The following PRKN variants were observed in gnomAD, a reference collection of about 807,000 sequenced individuals.
PRKN encodes E3 ubiquitin-protein ligase parkin.
Under a neutral mutation model 59.5 loss-of-function variants are expected in PRKN, and 56 were observed. The observed-to-expected ratio is 0.94, with a 90% CI of 0.76 to 1.18. The LOEUF is 1.18. Ranked by LOEUF, PRKN falls within the 50% of genes most tolerant of loss-of-function variation. The pLI, the probability that PRKN is intolerant of heterozygous loss-of-function variation, is 0.00. For synonymous variants in PRKN, 250 were observed against 222.1 expected (o/e 1.13, Z -1.12); for missense variants, 657 against 596.4 (o/e 1.10, Z -1.06).
chr6:162,556,309 G>A (rs1779567059), intron 1 of PRKN, among the ~76,000 whole-genome samples: 3 of 149,682 alleles, frequency 2.0e-5, no homozygotes, highest in South Asian at 2.1e-4. Flanking sequence ...AACTGAAGGC[G>A]GGCAGAAGAA....
chr6:161,577,954 T>A (rs1781195273), intron 7 of PRKN, among the ~76,000 whole-genome samples: 1 of 152,194 alleles, frequency 6.6e-6, no homozygotes, highest in Non-Finnish European at 1.5e-5. Context: ...ATTCATTGAT[T>A]CTTCATCGAA....
chr6:162,655,784 T>C (rs1311716797), intron 1 of PRKN, among the ~76,000 whole-genome samples: 1 of 152,150 alleles, frequency 6.6e-6, no homozygotes, highest in Non-Finnish European at 1.5e-5. Context: ...TCTGCTACCA[T>C]CTATTTACAT....
At chr6:162,276,390 T>C (rs1467221827) in intron 2 of PRKN, among the ~76,000 whole-genome samples, 1 of 152,188 alleles carries the variant, frequency 6.6e-6, no homozygotes, top group Non-Finnish European at 1.5e-5. Context: ...TCTTGGGATG[T>C]ACCTCATTAA....
intron 6 of PRKN, among the ~76,000 whole-genome samples, chr6:161,900,754 T>C (rs1204157913): frequency 8.4e-6 from 1 of 118,518 alleles, no homozygotes; most frequent in Non-Finnish European, 1.6e-5. Flanking sequence ...ATGTATTAAA[T>C]ATAAATATAT....
At chr6:162,068,572 C>T (rs576825541) in intron 4 of PRKN, among the ~76,000 whole-genome samples, 6 of 152,310 alleles carry the variant, frequency 3.9e-5, no homozygotes, top group Admixed American at 6.5e-5. Flanking sequence ...ACAAGGGCCT[C>T]GGCTTTCTGC....
chr6:161,437,947 T>C (rs1424633428), intron 9 of PRKN, among the ~76,000 whole-genome samples: 1 of 152,130 alleles, frequency 6.6e-6, no homozygotes, highest in Non-Finnish European at 1.5e-5. Context: ...TTGGTAAACA[T>C]TTGTTTATTC....
At chr6:161,921,446 A>T (rs1203263271) in intron 6 of PRKN, among the ~76,000 whole-genome samples, 1 of 152,226 alleles carries the variant, frequency 6.6e-6, no homozygotes. Context: ...TAACATAATT[A>T]TTCATGACCA....
intron 1 of PRKN, among the ~76,000 whole-genome samples, chr6:162,484,932 C>G (rs1201730778): frequency 6.6e-6 from 1 of 152,070 alleles, no homozygotes; most frequent in Non-Finnish European, 1.5e-5. Flanking sequence ...TAGAGGAACT[C>G]TAAATTTTTA....
rs1034522803 is a variant in PRKN at position 161,545,819 on chromosome 6, G to A, written c.1083+3035C>T. 2.0e-5 allele frequency among the ~76,000 whole-genome samples: 3 copies of A among 152,190 alleles called. No homozygotes were observed. Among genetic ancestry groups the A allele is most frequent in the Non-Finnish European group, 4.4e-5 (3 of 68,036 alleles). On this transcript the variant is annotated intron_variant, in intron 9 of 11. Coordinates refer to ENST00000366898, the MANE Select transcript of PRKN (RefSeq NM_004562.3). The surrounding 1 kb of genome is among the most constrained non-coding windows in gnomAD (Gnocchi z 4.1). ...TTAAAGGCAACTTTCCTCAGGACAA[G>A]CATAAATGTGCCTGGTACTCAGATC...
intron 1 of PRKN, among the ~76,000 whole-genome samples, chr6:162,715,031 G>C (rs1398303395): frequency 6.6e-6 from 1 of 152,144 alleles, no homozygotes; most frequent in Non-Finnish European, 1.5e-5. Context: ...GACAGACAAA[G>C]CTCTCTCTCT....
At chr6:162,642,039 T>C (rs1355443139) in intron 1 of PRKN, among the ~76,000 whole-genome samples, 1 of 152,230 alleles carries the variant, frequency 6.6e-6, no homozygotes, top group Non-Finnish European at 1.5e-5. Context: ...TTTATTTGTT[T>C]TTGTTTTCTT....
intron 5 of PRKN, among the ~76,000 whole-genome samples, chr6:162,001,769 T>C (rs1432719979): frequency 1.3e-5 from 2 of 151,970 alleles, no homozygotes; most frequent in Non-Finnish European, 2.9e-5. Flanking sequence ...CCATTGAGTA[T>C]GATGCCCACT....
chr6:161,891,003 C>A (rs1447252380), intron 6 of PRKN, among the ~76,000 whole-genome samples: 1 of 152,098 alleles, frequency 6.6e-6, no homozygotes, highest in Non-Finnish European at 1.5e-5. Flanking sequence ...TCTCAAGATA[C>A]CCCGAGGGAG....
At chr6:162,327,220 T>C (rs1433550194) in intron 2 of PRKN, among the ~76,000 whole-genome samples, 2 of 152,168 alleles carry the variant, frequency 1.3e-5, no homozygotes, top group African/African-American at 4.8e-5. Context: ...GAGAAAAATA[T>C]ATGAGGTGTG....
At position 161,471,307 on chromosome 6, in the gene PRKN, A is replaced by C. The variant is rs931301267; in HGVS notation, c.1083+77547T>G. On this transcript the variant is annotated intron_variant, in intron 9 of 11. Coordinates refer to ENST00000366898, the MANE Select transcript of PRKN (RefSeq NM_004562.3). The surrounding 1 kb of genome is among the most constrained non-coding windows in gnomAD (Gnocchi z 4.5). ...ATGTCTGAGTTTTGGGGTTATGGGGATGTTGTTTTATTTCACTTACAGATA... is the reference window on the plus strand; with the variant it reads ...ATGTCTGAGTTTTGGGGTTATGGGGCTGTTGTTTTATTTCACTTACAGATA... Among the ~76,000 whole-genome samples, 13 of 152,220 alleles carry C rather than the reference A, an allele frequency of 8.5e-5. No individual in the cohort carries two copies. The highest frequency in any genetic ancestry group is 3.1e-4 in the African/African-American group (13 of 41,448).
chr6:162,689,093 T>C (rs1777674443), intron 1 of PRKN, among the ~76,000 whole-genome samples: 1 of 152,210 alleles, frequency 6.6e-6, no homozygotes, highest in Admixed American at 6.5e-5. Context: ...CAGGAGTATG[T>C]TTTAGATGCT....
intron 1 of PRKN, among the ~76,000 whole-genome samples, chr6:162,509,529 A>G (rs1777497757): frequency 6.6e-6 from 1 of 152,222 alleles, no homozygotes; most frequent in African/African-American, 2.4e-5. Flanking sequence ...CAGGTAAATC[A>G]TGCATAATTC....
At chr6:161,803,588 C>G (rs1791183057) in intron 6 of PRKN, among the ~76,000 whole-genome samples, 1 of 152,214 alleles carries the variant, frequency 6.6e-6, no homozygotes, top group Non-Finnish European at 1.5e-5. Context: ...AGCCCAGCCC[C>G]AGCTCAACTC....
intron 1 of PRKN, among the ~76,000 whole-genome samples, chr6:162,556,187 T>C (rs1048928522): frequency 1.3e-5 from 2 of 151,912 alleles, no homozygotes; most frequent in East Asian, 1.9e-4. Flanking sequence ...AAGTAAGACA[T>C]ATTATAACTC....
Sources: allele counts gnomAD v4.1 joint callset (sites outside exome capture counted in the v4.1 genomes callset), GRCh38; gene constraint gnomAD v4.1.1; non-coding constraint Gnocchi (gnomAD v3.1); transcripts MANE v1.5; gene names NCBI Gene and HGNC (gene_info 2026-07-23, HGNC 2026-07-21).